SLC24A2: variants seen among roughly 807,000 people sequenced by gnomAD.
SLC24A2 encodes the protein sodium/potassium/calcium exchanger 2.
Under a neutral mutation model 62.0 loss-of-function variants are expected in SLC24A2, and 36 were observed. The observed-to-expected ratio is 0.58, with a 90% confidence interval of 0.44 to 0.77. SLC24A2 has a LOEUF of 0.77. SLC24A2 is among the 30% of genes least tolerant of loss of function. The probability of loss-of-function intolerance (pLI) is 0.00; values close to 1 mark genes in which losing one functional copy is unlikely to be tolerated. For synonymous variants in SLC24A2, 358 were observed against 294.0 expected, an observed-to-expected ratio of 1.22 and a Z score of -2.23; for missense variants, 846 against 817.9, an observed-to-expected ratio of 1.03 and a Z score of -0.42.
the SLC24A2 span, among the ~76,000 whole-genome samples, chr9:20,077,849 A>C: frequency 6.6e-6 from 1 of 152,192 alleles, no homozygotes. Flanking sequence ...ATAGTGAAAA[A>C]AAATAGGGTG....
At chr9:19,841,676 A>G in the SLC24A2 span, among the ~76,000 whole-genome samples, 1 of 152,198 alleles carries the variant, frequency 6.6e-6, no homozygotes, top group African/African-American at 2.4e-5. Context: ...GACACTGAAT[A>G]GGATTGGAAT....
At chr9:19,535,873 G>A (rs901609214) in intron 8 of SLC24A2, among the ~76,000 whole-genome samples, 1 of 151,950 alleles carries the variant, frequency 6.6e-6, no homozygotes, top group African/African-American at 2.4e-5. Context: ...TTCCAATTCT[G>A]TGAAGAAAGT....
chr9:19,773,294 G>T (rs1000956640), intron 2 of SLC24A2, among the ~76,000 whole-genome samples: 1 of 152,102 alleles, frequency 6.6e-6, no homozygotes, highest in Non-Finnish European at 1.5e-5. Context: ...TACAACTAGG[G>T]TGAATTCTAT....
At chr9:20,191,160 C>A in the SLC24A2 span, among the ~76,000 whole-genome samples, 40 of 108,472 alleles carry the variant, frequency 3.7e-4, no homozygotes, top group African/African-American at 1.3e-3. Context: ...GTTTTCCGGA[C>A]CTTTTTTTTT....
chr9:20,250,847 A>T, the SLC24A2 span, among the ~76,000 whole-genome samples: 1 of 152,188 alleles, frequency 6.6e-6, no homozygotes, highest in African/African-American at 2.4e-5. Flanking sequence ...TCAGTTTGCA[A>T]CCTTAACTAT....
chr9:20,274,414 G>A, the SLC24A2 span, among the ~76,000 whole-genome samples: 2 of 152,198 alleles, frequency 1.3e-5, no homozygotes, highest in Admixed American at 1.3e-4. Flanking sequence ...TCTTTAGAGA[G>A]TTTTGATCAA....
chr9:20,050,240 C>CGAAAAAA, the SLC24A2 span, among the ~76,000 whole-genome samples: 1 of 59,556 alleles, frequency 1.7e-5, no homozygotes, highest in Non-Finnish European at 3.4e-5. Flanking sequence ...CCCGTCTCTA[C>CGAAAAAA]AAAAAAAAAA....
intron 2 of SLC24A2, among the ~76,000 whole-genome samples, chr9:19,743,172 C>G (rs1250678833): frequency 1.3e-5 from 2 of 152,186 alleles, no homozygotes; most frequent in East Asian, 1.9e-4. Context: ...GTTCCACTGT[C>G]TGCATCACAT....
the SLC24A2 span, among the ~76,000 whole-genome samples, chr9:20,267,460 A>G: frequency 6.6e-6 from 1 of 151,954 alleles, no homozygotes; most frequent in Non-Finnish European, 1.5e-5. Flanking sequence ...TGCCGCCACC[A>G]CCCCACAGCT....
chr9:20,142,527 C>T, the SLC24A2 span, among the ~76,000 whole-genome samples: 60 of 152,130 alleles, frequency 3.9e-4, no homozygotes, highest in African/African-American at 1.3e-3. Context: ...AAAGTTTCTA[C>T]GACACAACTA....
At chr9:19,586,767 A>G (rs1836385088) in intron 5 of SLC24A2, among the ~76,000 whole-genome samples, 1 of 152,136 alleles carries the variant, frequency 6.6e-6, no homozygotes, top group Non-Finnish European at 1.5e-5. Flanking sequence ...ATCATTTTAG[A>G]TCACCTGCTT....
At chr9:20,107,130 C>T in the SLC24A2 span, among the ~76,000 whole-genome samples, 1 of 152,184 alleles carries the variant, frequency 6.6e-6, no homozygotes, top group African/African-American at 2.4e-5. Flanking sequence ...AGGAATCCAA[C>T]TTACAAGGGA....
At chr9:19,801,479 G>A in the SLC24A2 span, among the ~76,000 whole-genome samples, 1 of 152,160 alleles carries the variant, frequency 6.6e-6, no homozygotes, top group East Asian at 1.9e-4. Context: ...TAACAAACAC[G>A]GACCAGAAGA....
chr9:19,892,511 T>G, the SLC24A2 span, among the ~76,000 whole-genome samples: 1 of 152,190 alleles, frequency 6.6e-6, no homozygotes, highest in Admixed American at 6.6e-5. Flanking sequence ...GCTGACTGCC[T>G]GCCTGATTCA....
intron 5 of SLC24A2, among the ~76,000 whole-genome samples, chr9:19,584,008 A>C (rs765876199): frequency 1.3e-5 from 2 of 152,110 alleles, no homozygotes; most frequent in Non-Finnish European, 2.9e-5. Context: ...CAACATTCTC[A>C]TGGCACTTTG....
the SLC24A2 span, among the ~76,000 whole-genome samples, chr9:19,796,377 G>T: frequency 2.0e-5 from 3 of 152,162 alleles, no homozygotes; most frequent in African/African-American, 7.2e-5. Context: ...TGAACTTCCT[G>T]TTTCTTGTTT....
chr9:19,642,847 A>AT (rs1434980344), intron 2 of SLC24A2, among the ~76,000 whole-genome samples: 4 of 150,818 alleles, frequency 2.7e-5, no homozygotes, highest in African/African-American at 7.3e-5. Context: ...TGCCCAGCTA[A>AT]TTTTTTGTAT....
chr9:20,153,463 C>T, the SLC24A2 span, among the ~76,000 whole-genome samples: 10 of 151,988 alleles, frequency 6.6e-5, no homozygotes, highest in Non-Finnish European at 1.0e-4. Flanking sequence ...GGACTTACCA[C>T]GTGTTTCATC....
the SLC24A2 span, among the ~76,000 whole-genome samples, chr9:20,028,745 C>A: frequency 6.6e-6 from 1 of 152,208 alleles, no homozygotes; most frequent in Non-Finnish European, 1.5e-5. Context: ...AGTACACATC[C>A]CCCTGTCTGT....
Sources: gnomAD v4.1 joint callset for allele counts (sites outside exome capture counted in the v4.1 genomes callset) on GRCh38, gnomAD v4.1.1 for gene constraint, MANE v1.5 for transcripts, NCBI Gene and HGNC (gene_info 2026-07-23, HGNC 2026-07-21) for gene names.